Variants in GCSAML observed in about 807,000 individuals in gnomAD.
GCSAML encodes germinal center-associated signaling and motility-like protein.
In GCSAML, 9 loss-of-function variants were observed where a neutral mutation model predicts 13.0. The observed-to-expected ratio is 0.69, with a 90% CI of 0.42 to 1.21. The LOEUF is 1.21. GCSAML is among the 50% of genes most tolerant of loss of function. The pLI, the probability that GCSAML is intolerant of heterozygous loss-of-function variation, is 0.00. For synonymous variants in GCSAML, 37 were observed against 52.9 expected, an observed-to-expected ratio of 0.70 and a Z score of 1.31; for missense variants, 143 against 153.4, an observed-to-expected ratio of 0.93 and a Z score of 0.36.
chr1:247,545,343 A>AT (rs1667534300), upstream of GCSAML, among the ~76,000 whole-genome samples: 1 of 152,180 alleles, frequency 6.6e-6, no homozygotes, highest in Non-Finnish European at 1.5e-5. Flanking sequence ...AATATGTACA[A>AT]TTTTTTATAT....
chr1:247,551,865 G>T (rs1463704539), intron 1 of GCSAML, among the ~76,000 whole-genome samples: 1 of 152,182 alleles, frequency 6.6e-6, no homozygotes, highest in African/African-American at 2.4e-5. Flanking sequence ...AGCAAGTCTT[G>T]TTCTGTCTGT....
At chr1:247,546,514 A>G (rs1330798261), upstream of GCSAML, among the ~76,000 whole-genome samples, 7 of 151,986 alleles carry the variant, frequency 4.6e-5, no homozygotes, top group Non-Finnish European at 8.8e-5. Flanking sequence ...GCCCGCCACC[A>G]CGCCTGGCTC....
intron 1 of GCSAML, among the ~76,000 whole-genome samples, chr1:247,554,946 C>T (rs1151632): frequency 6.6e-6 from 1 of 152,092 alleles, no homozygotes; most frequent in African/African-American, 2.4e-5. Flanking sequence ...TAATAAAATA[C>T]CTATTTTTGA....
At chr1:247,557,761 C>A (rs1355225667) in intron 2 of GCSAML, among the ~76,000 whole-genome samples, 2 of 152,168 alleles carry the variant, frequency 1.3e-5, no homozygotes, top group African/African-American at 4.8e-5. Context: ...TCCCCCCACT[C>A]CCCTTATGGT....
chr1:247,536,792 T>A (rs918091896), intron 2 of GCSAML, among the ~76,000 whole-genome samples: 1 of 152,208 alleles, frequency 6.6e-6, no homozygotes, highest in African/African-American at 2.4e-5. Context: ...AGTCTCTCTA[T>A]CATGTAGTGA....
intron 1 of GCSAML, 113 bp downstream of exon 1, chr1:247,549,333 C>G: frequency 3.4e-6 from 3 of 889,372 alleles, no homozygotes; most frequent in Non-Finnish European, 5.2e-6. Context: ...GAAGGTTAAG[C>G]CTGAAGACAG....
intron 1 of GCSAML, among the ~76,000 whole-genome samples, chr1:247,510,898 A>G (rs1666014772): frequency 6.6e-6 from 1 of 152,170 alleles, no homozygotes; most frequent in Non-Finnish European, 1.5e-5. Context: ...GCATTTGCTG[A>G]GGAGTGTTTT....
intron 1 of GCSAML, among the ~76,000 whole-genome samples, chr1:247,518,025 C>T (rs1666274896): frequency 6.6e-6 from 1 of 152,184 alleles, no homozygotes; most frequent in Non-Finnish European, 1.5e-5. Context: ...TGCACACTCC[C>T]ACTTCCTCAG....
chr1:247,517,956 G>A (rs1666271847), intron 1 of GCSAML, among the ~76,000 whole-genome samples: 1 of 152,160 alleles, frequency 6.6e-6, no homozygotes, highest in South Asian at 2.1e-4. Context: ...TGGTCAGCAC[G>A]GCCTTTTACT....
intron 1 of GCSAML, among the ~76,000 whole-genome samples, chr1:247,554,262 A>G (rs1193236566): frequency 6.6e-6 from 1 of 152,046 alleles, no homozygotes; most frequent in Non-Finnish European, 1.5e-5. Context: ...GATATTATTC[A>G]TTTTAAGCCA....
chr1:247,533,878 C>T (rs916072947), intron 2 of GCSAML: 1 of 152,202 alleles, frequency 6.6e-6, no homozygotes, highest in African/African-American at 2.4e-5. Flanking sequence ...TTCCCTCACT[C>T]CTACGAAAGC....
intron 2 of GCSAML, among the ~76,000 whole-genome samples, chr1:247,559,000 T>C (rs1049247187): frequency 6.6e-6 from 1 of 152,222 alleles, no homozygotes; most frequent in African/African-American, 2.4e-5. Flanking sequence ...ACTTACATTC[T>C]CTAAATTTTG....
chr1:247,518,995 AAG>A (rs1456964935), intron 1 of GCSAML, among the ~76,000 whole-genome samples: 3 of 152,138 alleles, frequency 2.0e-5, no homozygotes, highest in African/African-American at 7.2e-5. Flanking sequence ...TCTCTAAAAA[AAG>A]AAAAAAGCGC....
chr1:247,574,946 T>C lies in GCSAML; in HGVS notation c.*564T>C, dbSNP rs1217342700. On this transcript the variant is annotated 3_prime_UTR_variant, in exon 5 of 5. Transcript: ENST00000366488. ...CTGAGGGATTCCATCTATGAGACTTTGTCTACATAACAGAGACCTTGGTTT... is the reference window on the plus strand; with the variant it reads ...CTGAGGGATTCCATCTATGAGACTTCGTCTACATAACAGAGACCTTGGTTT... 6.5e-6 allele frequency: 1 copy of C among 154,598 alleles called. No homozygotes were observed. Among genetic ancestry groups the C allele is most frequent in the African/African-American group, 2.4e-5 (1 of 41,462 alleles). The allele number at this position is 154,598 out of a possible 1,614,324, so 9.6% of individuals were successfully genotyped here. A position where few individuals can be genotyped will look rare whatever the true frequency, so the allele number is the denominator to read the frequency against.
At chr1:247,525,170 TCTCA>T (rs1256529804) in intron 1 of GCSAML, 1 of 152,192 alleles carries the variant, frequency 6.6e-6, no homozygotes, top group Non-Finnish European at 1.5e-5. Context: ...TTTTCTATTC[TCTCA>T]CTCAACAATC....
At chr1:247,540,518 T>C (rs535830640) in intron 2 of GCSAML, among the ~76,000 whole-genome samples, 2 of 152,376 alleles carry the variant, frequency 1.3e-5, no homozygotes, top group South Asian at 2.1e-4. Flanking sequence ...TTTTTACTTA[T>C]GTGTCTTGTT....
chr1:247,535,809 G>A (rs1360486612), intron 2 of GCSAML, among the ~76,000 whole-genome samples: 2 of 152,160 alleles, frequency 1.3e-5, no homozygotes, highest in Non-Finnish European at 2.9e-5. Context: ...TTTCAGTAAA[G>A]GAAGAGGTTT....
intron 2 of GCSAML, among the ~76,000 whole-genome samples, chr1:247,541,801 G>C (rs1318852987): frequency 6.6e-6 from 1 of 152,056 alleles, no homozygotes; most frequent in Non-Finnish European, 1.5e-5. Flanking sequence ...CTTGAGGTCA[G>C]GAGTTTGAGA....
At chr1:247,566,021 T>A in intron 4 of GCSAML, 62 bp downstream of exon 4, 2 of 1,180,482 alleles carry the variant, frequency 1.7e-6, no homozygotes, top group Non-Finnish European at 2.4e-6. Context: ...GTTTGTCTGA[T>A]AAATGCCAAA....
Sources: gnomAD v4.1 joint callset for allele counts (sites outside exome capture counted in the v4.1 genomes callset) on GRCh38, gnomAD v4.1.1 for gene constraint, MANE v1.5 for transcripts, NCBI Gene and HGNC (gene_info 2026-07-23, HGNC 2026-07-21) for gene names.